Variants in JMJD1C observed in about 807,000 individuals in gnomAD.
JMJD1C encodes the protein jumonji domain-containing protein 1C.
Under a neutral mutation model 245.3 loss-of-function variants are expected in JMJD1C, and 31 were observed. The ratio of observed to expected loss-of-function variants is 0.13; its 90% confidence interval spans 0.09 to 0.17. JMJD1C has a LOEUF of 0.17. JMJD1C is among the 10% of genes least tolerant of loss of function. The probability of loss-of-function intolerance (pLI) is 1.00; values close to 1 mark genes in which losing one functional copy is unlikely to be tolerated. For synonymous variants in JMJD1C, 1,057 were observed against 1,017.4 expected (o/e 1.04, Z -0.74); for missense variants, 2,691 against 3,000.2 (o/e 0.90, Z 2.41).
intron 3 of JMJD1C, chr10:63,222,257 G>T: frequency 1.2e-6 from 1 of 821,622 alleles, no homozygotes; most frequent in Non-Finnish European, 2.2e-6. Context: ...TTTACAGGAT[G>T]TAACAGGGAG....
intron 1 of JMJD1C, among the ~76,000 whole-genome samples, chr10:63,408,832 C>G (rs560744083): frequency 1.9e-4 from 29 of 151,646 alleles, no homozygotes; most frequent in African/African-American, 7.0e-4. Context: ...AGATGATAGT[C>G]ACATAAAATC....
intron 3 of JMJD1C, among the ~76,000 whole-genome samples, chr10:63,241,344 G>A (rs1035386684): frequency 2.0e-5 from 3 of 152,146 alleles, no homozygotes; most frequent in Non-Finnish European, 4.4e-5. Context: ...TATGACAGAA[G>A]ACGAGCAGTA....
At chr10:63,266,328 A>C (rs1030436204) in intron 2 of JMJD1C, among the ~76,000 whole-genome samples, 1 of 152,104 alleles carries the variant, frequency 6.6e-6, no homozygotes, top group Admixed American at 6.6e-5. Flanking sequence ...CACATTATTT[A>C]GCTATTTCCT....
At chr10:63,304,226 A>G (rs1937686229) in intron 2 of JMJD1C, among the ~76,000 whole-genome samples, 2 of 152,212 alleles carry the variant, frequency 1.3e-5, no homozygotes, top group South Asian at 4.1e-4. Flanking sequence ...TTAAATATGA[A>G]TTATAGTTGG....
At chr10:63,398,925 G>T (rs1227412219) in intron 1 of JMJD1C, among the ~76,000 whole-genome samples, 1 of 152,202 alleles carries the variant, frequency 6.6e-6, no homozygotes, top group Non-Finnish European at 1.5e-5. Flanking sequence ...GGCATTACAC[G>T]TGGGAGCCAC....
chr10:63,278,345 G>GAATAAC (rs142170571), intron 2 of JMJD1C, among the ~76,000 whole-genome samples: 2 of 142,924 alleles, frequency 1.4e-5, no homozygotes, highest in Non-Finnish European at 3.0e-5. Flanking sequence ...AATTAAAAGA[G>GAATAAC]AATAATAATA....
At chr10:63,264,224 AAAAATTTCCCCTTTAAAAAAAG>A (rs1855239460) in intron 3 of JMJD1C, among the ~76,000 whole-genome samples, 1 of 152,068 alleles carries the variant, frequency 6.6e-6, no homozygotes, top group Non-Finnish European at 1.5e-5. Flanking sequence ...GACAATCTAA[AAAAATTTCCCCTTTAAAAAAAG>A]AACTATTATG....
At chr10:63,292,717 T>C (rs1158275356) in intron 2 of JMJD1C, among the ~76,000 whole-genome samples, 6 of 152,086 alleles carry the variant, frequency 3.9e-5, no homozygotes, top group Admixed American at 3.9e-4. Context: ...AACAGGATGA[T>C]ATAAAGTCAC....
intron 1 of JMJD1C, among the ~76,000 whole-genome samples, chr10:63,411,170 T>C (rs1211438276): frequency 1.3e-5 from 2 of 152,110 alleles, no homozygotes; most frequent in Non-Finnish European, 2.9e-5. Context: ...GAAAATCTCA[T>C]CTTTGGTGAT....
intron 1 of JMJD1C, among the ~76,000 whole-genome samples, chr10:63,494,773 C>T (rs755750911): frequency 2.6e-5 from 4 of 152,144 alleles, no homozygotes; most frequent in Non-Finnish European, 5.9e-5. Context: ...AAAATGTACG[C>T]TGACAAATAT....
chr10:63,465,982 C>T (rs777580573), upstream of JMJD1C: 6 of 329,224 alleles, frequency 1.8e-5, no homozygotes, highest in African/African-American at 8.8e-5. Flanking sequence ...AGTACTGCTC[C>T]GTCTCCCTCC....
chr10:63,193,567 T>A (rs1845095198), intron 14 of JMJD1C, 95 bp from the exon 15 acceptor site: 5 of 752,454 alleles, frequency 6.6e-6, no homozygotes, highest in Admixed American at 3.2e-5. Flanking sequence ...TAATTGGGAA[T>A]AACGGAGGTT....
intron 1 of JMJD1C, among the ~76,000 whole-genome samples, chr10:63,444,245 CA>C (rs949042799): frequency 6.6e-6 from 1 of 151,944 alleles, no homozygotes; most frequent in African/African-American, 2.4e-5. Flanking sequence ...AGATAAATTT[CA>C]AAAAATTCTA....
intron 2 of JMJD1C, among the ~76,000 whole-genome samples, chr10:63,376,891 T>C (rs749195876): frequency 1.3e-5 from 2 of 152,156 alleles, no homozygotes; most frequent in Non-Finnish European, 1.5e-5. Context: ...AAAATGCAAT[T>C]ACCATCTGAT....
intron 2 of JMJD1C, among the ~76,000 whole-genome samples, chr10:63,316,938 C>A (rs563141932): frequency 6.6e-6 from 1 of 152,290 alleles, no homozygotes; most frequent in African/African-American, 2.4e-5. Flanking sequence ...TGGCTCACTG[C>A]AACATCCACC....
At chr10:63,380,610 T>C in intron 1 of JMJD1C, 128 bp from the exon 2 acceptor site, 1 of 668,248 alleles carries the variant, frequency 1.5e-6, no homozygotes. Flanking sequence ...ACACAATGTG[T>C]AATGATCAAA....
rs543630472 is a variant in JMJD1C, at chr10:63,354,587, G to GT, written c.333+25730dup. Among the ~76,000 whole-genome samples the GT allele has an allele frequency of 3.2e-3, 487 of 151,414 alleles. 2 individuals carry two copies. Among genetic ancestry groups the GT allele is most frequent in the African/African-American group, 0.011 (472 of 41,316 alleles). ...ACTTGTATATTTTACTTTTTCTCTA[G>GT]TTTTAAAAATACCTTTTCTATTTTA... On this transcript the variant is annotated intron_variant, in intron 2 of 25. Transcript: ENST00000399262.
intron 2 of JMJD1C, among the ~76,000 whole-genome samples, chr10:63,288,611 A>G (rs74690838): frequency 1.1e-3 from 175 of 152,236 alleles, no homozygotes; most frequent in Non-Finnish European, 2.2e-3. Context: ...AAGAATTGGT[A>G]TATTTCAAGG....
At chr10:63,353,661 G>A (rs148844741) in intron 2 of JMJD1C, among the ~76,000 whole-genome samples, 6 of 150,030 alleles carry the variant, frequency 4.0e-5, no homozygotes, top group African/African-American at 9.8e-5. Context: ...GATTACAGGC[G>A]CGCACCACCA....
Sources: gnomAD v4.1 joint callset for allele counts (sites outside exome capture counted in the v4.1 genomes callset) on GRCh38, gnomAD v4.1.1 for gene constraint, MANE v1.5 for transcripts, NCBI Gene and HGNC (gene_info 2026-07-23, HGNC 2026-07-21) for gene names.